Variants in EEFSEC observed in about 807,000 individuals in gnomAD.
The protein encoded by EEFSEC is eukaryotic elongation factor, selenocysteine-tRNA specific.
A neutral mutation model predicts 42.1 loss-of-function variants in EEFSEC; 43 were observed. The ratio of observed to expected loss-of-function variants is 1.02; its 90% CI spans 0.80 to 1.32. The LOEUF is 1.32. Among genes scored for constraint, EEFSEC ranks in the 40% most tolerant of loss-of-function variants. The probability of loss-of-function intolerance (pLI) is 0.00; values close to 1 mark genes in which losing one functional copy is unlikely to be tolerated. For missense variants in EEFSEC, 745 were observed against 803.6 expected (o/e 0.93, Z 0.88); for synonymous variants, 354 against 339.1 (o/e 1.04, Z -0.48).
chr3:128,398,925 C>T (rs946646314), intron 6 of EEFSEC, among the ~76,000 whole-genome samples: 9 of 152,166 alleles, frequency 5.9e-5, no homozygotes, highest in African/African-American at 1.7e-4. Flanking sequence ...GCAGCCCCTT[C>T]AGGAGGCAGC....
At chr3:128,166,426 G>T (rs1328710000) in intron 1 of EEFSEC, among the ~76,000 whole-genome samples, 1 of 152,190 alleles carries the variant, frequency 6.6e-6, no homozygotes, top group Non-Finnish European at 1.5e-5. Context: ...TGTAACTAAA[G>T]ACTGAAATTT....
At chr3:128,322,823 G>T (rs949471983) in intron 4 of EEFSEC, among the ~76,000 whole-genome samples, 3 of 152,170 alleles carry the variant, frequency 2.0e-5, no homozygotes, top group Non-Finnish European at 2.9e-5. Context: ...TTTGGACCTT[G>T]CTGCCACCCC....
At chr3:128,315,934 A>T (rs1244912193) in intron 4 of EEFSEC, among the ~76,000 whole-genome samples, 1 of 152,188 alleles carries the variant, frequency 6.6e-6, no homozygotes, top group Admixed American at 6.5e-5. Context: ...ATATGTCCTC[A>T]TATCTTTGAA....
intron 4 of EEFSEC, among the ~76,000 whole-genome samples, chr3:128,318,546 A>G (rs977839740): frequency 1.7e-4 from 26 of 152,130 alleles, no homozygotes; most frequent in Non-Finnish European, 2.9e-4. Context: ...TCTCCTAATT[A>G]ATGGCAGAGA....
intron 1 of EEFSEC, among the ~76,000 whole-genome samples, chr3:128,186,243 C>CT (rs1385900980): frequency 6.6e-6 from 1 of 152,120 alleles, no homozygotes; most frequent in Non-Finnish European, 1.5e-5. Context: ...GGAGAAATGC[C>CT]TATTCAGCTC....
intron 5 of EEFSEC, among the ~76,000 whole-genome samples, chr3:128,350,760 G>A (rs768936695): frequency 8.5e-5 from 13 of 152,198 alleles, no homozygotes; most frequent in Non-Finnish European, 1.3e-4. Flanking sequence ...CGATGTGGCC[G>A]TGGGCAAGTC....
intron 4 of EEFSEC, among the ~76,000 whole-genome samples, chr3:128,334,660 G>C (rs1459995678): frequency 6.6e-6 from 1 of 152,248 alleles, no homozygotes; most frequent in African/African-American, 2.4e-5. Flanking sequence ...TTGTTAATCA[G>C]AAAGGACCAA....
At chr3:128,292,628 T>C (rs2066656057) in intron 4 of EEFSEC, among the ~76,000 whole-genome samples, 1 of 151,920 alleles carries the variant, frequency 6.6e-6, no homozygotes, top group Admixed American at 6.5e-5. Flanking sequence ...TCTTTTAATG[T>C]TTTTTGAATC....
At chr3:128,201,232 A>G (rs2811486) in intron 1 of EEFSEC, among the ~76,000 whole-genome samples, 21,604 of 152,152 alleles carry the variant, frequency 0.14, 1,756 homozygotes, top group African/African-American at 0.22. Context: ...CTGGCAGGGT[A>G]TGTCCTATAC....
intron 4 of EEFSEC, among the ~76,000 whole-genome samples, chr3:128,298,360 C>G (rs1452321357): frequency 6.6e-6 from 1 of 152,154 alleles, no homozygotes. Context: ...GTTGCCCAGG[C>G]TGGTCTCAAA....
intron 2 of EEFSEC, among the ~76,000 whole-genome samples, chr3:128,248,262 C>T (rs1208446013): frequency 6.6e-6 from 1 of 152,196 alleles, no homozygotes; most frequent in Non-Finnish European, 1.5e-5. Context: ...CTGCCACTTC[C>T]ACCTCTCCTT....
chr3:128,363,440 G>T (rs1253911357), intron 6 of EEFSEC, among the ~76,000 whole-genome samples: 1 of 152,214 alleles, frequency 6.6e-6, no homozygotes, highest in African/African-American at 2.4e-5. Flanking sequence ...AGGGCTGGGG[G>T]TGAGGCACTG....
intron 1 of EEFSEC, among the ~76,000 whole-genome samples, chr3:128,241,661 G>A: frequency 6.6e-6 from 1 of 152,200 alleles, no homozygotes; most frequent in African/African-American, 2.4e-5. Flanking sequence ...CCACATTGCA[G>A]AGTTGGTGTT....
chr3:128,358,115 C>T, intron 5 of EEFSEC, 102 bp from the exon 6 acceptor site: 2 of 1,482,324 alleles, frequency 1.3e-6, no homozygotes, highest in Admixed American at 2.0e-5. Flanking sequence ...CAGCAGCCAG[C>T]CATGCCTAGG....
intron 6 of EEFSEC, among the ~76,000 whole-genome samples, chr3:128,365,178 G>A (rs1244722633): frequency 6.6e-6 from 1 of 152,336 alleles, no homozygotes; most frequent in East Asian, 1.9e-4. Context: ...GTACAGACCT[G>A]TCTAGGTGCT....
intron 5 of EEFSEC, among the ~76,000 whole-genome samples, chr3:128,345,192 T>C (rs1029292083): frequency 6.6e-6 from 1 of 152,218 alleles, no homozygotes; most frequent in Admixed American, 6.5e-5. Context: ...GGATTGCACA[T>C]AAGGTTCTGA....
rs555784221 is a variant in EEFSEC at position 128,391,862 on chromosome 3, G to T, written c.1601-16207G>T. Among the ~76,000 whole-genome samples, 46 of 152,340 alleles carry T rather than the reference G, an allele frequency of 3.0e-4. No homozygotes were observed. In the East Asian group the frequency reaches 8.5e-3, roughly 28 times the overall value. Reference sequence around the variant, plus strand: ...ATGGGCAGAAAGACAAGCAACGAATGCAGGAGTGAGCTTCTGCTTGTGCTG... The same window carrying T: ...ATGGGCAGAAAGACAAGCAACGAATTCAGGAGTGAGCTTCTGCTTGTGCTG... On this transcript the variant is annotated intron_variant, in intron 6 of 6. Transcript: ENST00000254730.
chr3:128,330,154 G>A (rs1176549867), intron 4 of EEFSEC, among the ~76,000 whole-genome samples: 1 of 152,230 alleles, frequency 6.6e-6, no homozygotes, highest in Non-Finnish European at 1.5e-5. Flanking sequence ...AATACTTGGG[G>A]TGGCTGGGAG....
At position 128,341,882 on chromosome 3, in the gene EEFSEC, T is replaced by C; in HGVS notation, c.1436T>C (p.Val479Ala). 1 of 1,612,404 alleles carries C rather than the reference T, an allele frequency of 6.2e-7. No homozygotes were observed. The highest frequency in any genetic ancestry group is 8.5e-7 in the Non-Finnish European group (1 of 1,179,252). ...VYKLKHKHGL[V>A]ERAMDDYSVI... The stretch of plus-strand genomic sequence containing the variant: ...AAGCTGAAGCACAAGCATGGCCTTG[T>C]GGAGCGGGTGAGCATGCCCTTGCCT... Residue 479 changes from valine (V) to alanine (A), a missense_variant, in exon 5 of 7, where the codon GTG becomes GCG. Val to Ala is a moderately conservative substitution (Grantham distance 64). Transcript: ENST00000254730.
Sources: gnomAD v4.1 joint callset for allele counts (sites outside exome capture counted in the v4.1 genomes callset) on GRCh38, gnomAD v4.1.1 for gene constraint, MANE v1.5 for transcripts, NCBI Gene and HGNC (gene_info 2026-07-23, HGNC 2026-07-21) for gene names.